Variants in UHRF1 observed in about 807,000 individuals in gnomAD.
UHRF1 encodes the protein ubiquitin like with PHD and ring finger domains 1.
UHRF1 carries 9 observed loss-of-function variants against 96.5 expected under a neutral mutation model. The ratio of observed to expected loss-of-function variants is 0.09; its 90% CI spans 0.06 to 0.16. The LOEUF is 0.16. UHRF1 is among the 10% of genes least tolerant of loss of function. UHRF1 has a pLI of 1.00. For synonymous variants in UHRF1, 455 were observed against 469.9 expected (o/e 0.97, Z 0.41); for missense variants, 626 against 1,131.1 (o/e 0.55, Z 6.40).
At chr19:4,911,093 GC>G (rs1274073770) in intron 2 of UHRF1, 55 bp downstream of exon 2, 1 of 1,424,070 alleles carries the variant, frequency 7.0e-7, no homozygotes, top group East Asian at 2.6e-5. Context: ...TCGCGCCTCT[GC>G]AGCCACCAGC....
chr19:4,942,673 C>G (rs963236897), intron 7 of UHRF1, among the ~76,000 whole-genome samples: 1 of 152,022 alleles, frequency 6.6e-6, no homozygotes, highest in Non-Finnish European at 1.5e-5. Context: ...GGTCTCTTAA[C>G]TCCTGACCTT....
At chr19:4,940,469 C>T (rs923977023) in intron 5 of UHRF1, among the ~76,000 whole-genome samples, 3 of 141,814 alleles carry the variant, frequency 2.1e-5, no homozygotes, top group East Asian at 4.6e-4. Flanking sequence ...CAGGTTCAAG[C>T]GATTCTCCTG....
At chr19:4,907,260 C>A (rs573602473), upstream of UHRF1, among the ~76,000 whole-genome samples, 94 of 152,228 alleles carry the variant, frequency 6.2e-4, no homozygotes, top group Admixed American at 5.1e-3. Context: ...TAGGCACACA[C>A]CACCCTGCCC....
chr19:4,959,678 C>T (rs532042257), intron 16 of UHRF1, among the ~76,000 whole-genome samples: 1 of 152,134 alleles, frequency 6.6e-6, no homozygotes, highest in Non-Finnish European at 1.5e-5. Context: ...CTCCTTTTCC[C>T]CTTTCTTCTC....
chr19:4,932,458 G>A (rs558682243), intron 4 of UHRF1, among the ~76,000 whole-genome samples: 1 of 152,354 alleles, frequency 6.6e-6, no homozygotes, highest in East Asian at 1.9e-4. Flanking sequence ...CATCTGCAAA[G>A]GTTCTATCTA....
At position 4,954,919 on chromosome 19, in the gene UHRF1, C is replaced by A; in HGVS notation, c.2130+97C>A. 1 of 1,436,938 alleles carries A rather than the reference C, an allele frequency of 7.0e-7. No individual in the cohort carries two copies. 89.0% of individuals were successfully genotyped at this position (1,436,938 alleles called of 1,614,324 possible). On this transcript the variant is annotated intron_variant, in intron 15 of 16. Transcript: ENST00000650932. This position sits in a 1 kb window ranked among gnomAD's most constrained non-coding sequence, Gnocchi z 5.9. ...ATGTTCCCCATTTTCAAGTGTACAG[C>A]TCAGTCGCACTGAGTACATTCTTGT...
intron 2 of UHRF1, among the ~76,000 whole-genome samples, chr19:4,924,918 C>T (rs2032820613): frequency 6.6e-6 from 1 of 151,724 alleles, no homozygotes. Flanking sequence ...CCTCTGCCTC[C>T]CAGGTTCAAG....
intron 5 of UHRF1, among the ~76,000 whole-genome samples, chr19:4,935,158 G>GT (rs1237394877): frequency 1.3e-5 from 2 of 152,084 alleles, no homozygotes; most frequent in Non-Finnish European, 2.9e-5. Flanking sequence ...AGTGGAGACA[G>GT]AGTTTCACCA....
At chr19:4,955,088 TGCACCCGCTCCCCAGCTCCG>T (rs1391265873) in intron 15 of UHRF1, among the ~76,000 whole-genome samples, 1 of 150,076 alleles carries the variant, frequency 6.7e-6, no homozygotes, top group East Asian at 2.0e-4. Context: ...CCCCAGCCCC[TGCACCCGCTCCCCAGCTCCG>T]GCACCCCCTG....
chr19:4,958,342 C>T (rs1379688460), intron 16 of UHRF1, among the ~76,000 whole-genome samples: 1 of 152,228 alleles, frequency 6.6e-6, no homozygotes, highest in Non-Finnish European at 1.5e-5. Flanking sequence ...TAACACTGTC[C>T]TGGATGCCAG....
intron 7 of UHRF1, among the ~76,000 whole-genome samples, chr19:4,943,256 G>T (rs1390820483): frequency 2.0e-5 from 3 of 151,870 alleles, no homozygotes; most frequent in Non-Finnish European, 1.5e-5. Context: ...AAAAAAAAGG[G>T]GGGGTGGTGA....
rs924281342 is a variant in UHRF1, at chr19:4,915,816, CAGTT to C, written c.153+4779_153+4782del. 2.1e-4 allele frequency among the ~76,000 whole-genome samples: 32 copies of C among 152,224 alleles called. 1 individual carries two copies. Among genetic ancestry groups the C allele is most frequent in the African/African-American group, 7.0e-4 (29 of 41,460 alleles). ...TAGATTGCATACTTTAATCCAGCCTCAGTTGGTGTGTCTGGGTTTTCTGGCTAGG... is the reference window on the plus strand; with the variant it reads ...TAGATTGCATACTTTAATCCAGCCTCGGTGTGTCTGGGTTTTCTGGCTAGG... On this transcript the variant is annotated intron_variant, in intron 2 of 16. Transcript: ENST00000650932.
rs543281565 is a variant in UHRF1 at position 4,959,439 on chromosome 19, G to A, written c.2236-1218G>A. On this transcript the variant is annotated intron_variant, in intron 16 of 16. Coordinates refer to ENST00000650932, the MANE Select transcript of UHRF1 (RefSeq NM_001048201.3). ...CACCGCCCTCGCCCAGCTGTGTGAC[G>A]ACATGCTGCAGACATGTGCCCCCTG... Among the ~76,000 whole-genome samples the A allele has an allele frequency of 8.5e-5, 13 of 152,298 alleles. No homozygotes were observed. In the East Asian group the frequency reaches 1.9e-3, roughly 23 times the overall value.
chr19:4,919,834 T>G (rs1599249265), intron 2 of UHRF1, among the ~76,000 whole-genome samples: 1 of 151,918 alleles, frequency 6.6e-6, no homozygotes, highest in African/African-American at 2.4e-5. Flanking sequence ...TTTTTTTTTT[T>G]GAGACAGAGT....
At chr19:4,945,822 T>C in intron 9 of UHRF1, 39 bp from the exon 10 acceptor site, 1 of 1,530,066 alleles carries the variant, frequency 6.5e-7, no homozygotes, top group Non-Finnish European at 8.9e-7. Flanking sequence ...GCAGCAGTCA[T>C]TGCAGAGGAC....
rs1381543863 is a variant in UHRF1, at chr19:4,930,050, T to C, written c.408+574T>C. Among the ~76,000 whole-genome samples, 2 of 151,594 alleles carry C rather than the reference T, an allele frequency of 1.3e-5. No individual in the cohort carries two copies. Among genetic ancestry groups the C allele is most frequent in the African/African-American group, 2.4e-5 (1 of 41,226 alleles). ...AGTACAGTGGTGCCATCTCGGCTCATTGCAACCTCCAACTCCTGGGTTCAA... is the reference window on the plus strand; with the variant it reads ...AGTACAGTGGTGCCATCTCGGCTCACTGCAACCTCCAACTCCTGGGTTCAA... On this transcript the variant is annotated intron_variant, in intron 3 of 16. Coordinates refer to ENST00000650932, the MANE Select transcript of UHRF1 (RefSeq NM_001048201.3). This position sits in a 1 kb window ranked among gnomAD's most constrained non-coding sequence, Gnocchi z 4.4.
At chr19:4,947,238 C>T in intron 11 of UHRF1, 27 bp downstream of exon 11, 1 of 1,589,838 alleles carries the variant, frequency 6.3e-7, no homozygotes, top group Non-Finnish European at 8.6e-7. Context: ...TTCTTATTTC[C>T]TTGCTGATGC....
intron 2 of UHRF1, among the ~76,000 whole-genome samples, chr19:4,911,748 TTTGG>T (rs1230685733): frequency 1.3e-5 from 2 of 152,144 alleles, no homozygotes; most frequent in Non-Finnish European, 2.9e-5. Flanking sequence ...GAGGTGCTAC[TTTGG>T]TTGGTGTTTT....
chr19:4,927,765 G>A (rs262569), intron 2 of UHRF1, among the ~76,000 whole-genome samples: 1 of 151,870 alleles, frequency 6.6e-6, no homozygotes, highest in East Asian at 2.0e-4. Context: ...ACGGCCCCAC[G>A]GTCCAGTGCC....
Sources: gnomAD v4.1 joint callset for allele counts (sites outside exome capture counted in the v4.1 genomes callset) on GRCh38, gnomAD v4.1.1 for gene constraint, Gnocchi (gnomAD v3.1) non-coding constraint, MANE v1.5 for transcripts, NCBI Gene and HGNC (gene_info 2026-07-23, HGNC 2026-07-21) for gene names.